HTRA3: variants seen among roughly 807,000 people sequenced by gnomAD.
HTRA3 encodes the protein serine protease HTRA3.
HTRA3 carries 41 observed loss-of-function variants against 43.2 expected under a neutral mutation model. The observed-to-expected ratio is 0.95, with a 90% confidence interval of 0.74 to 1.23. The LOEUF (loss-of-function observed/expected upper bound fraction) is 1.23, where lower values mean the gene tolerates loss of function less well. Among genes scored for constraint, HTRA3 ranks in the 50% most tolerant of loss-of-function variants. The probability of loss-of-function intolerance (pLI) is 0.00; values close to 1 mark genes in which losing one functional copy is unlikely to be tolerated. For synonymous variants in HTRA3, 295 were observed against 287.9 expected (o/e 1.02, Z -0.25); for missense variants, 628 against 647.1 (o/e 0.97, Z 0.32).
rs28461864 is a variant in HTRA3 at position 8,296,891 on chromosome 4, T to C, written c.1051+2690T>C. On this transcript the variant is annotated intron_variant, in intron 6 of 8. Transcript: ENST00000307358. This position sits in a 1 kb window ranked among gnomAD's most constrained non-coding sequence, Gnocchi z 5.3. ...CATGTGCTTTCCCTGGTCTCAGACA[T>C]CACAGAGTTCCCAGATCTCTGACAT... Among the ~76,000 whole-genome samples the C allele has an allele frequency of 4.8e-3, 733 of 152,184 alleles. 12 individuals carry two copies. Among genetic ancestry groups the C allele is most frequent in the African/African-American group, 0.017 (702 of 41,514 alleles).
At chr4:8,304,319 G>T (rs76109360) in intron 8 of HTRA3, 40 bp downstream of exon 8, 5 of 1,547,966 alleles carry the variant, frequency 3.2e-6, no homozygotes, top group Non-Finnish European at 4.5e-6. Flanking sequence ...GCATGGGGCA[G>T]GCGTGAGGTC....
intron 1 of HTRA3, among the ~76,000 whole-genome samples, chr4:8,281,239 A>T (rs1712731273): frequency 6.6e-6 from 1 of 152,128 alleles, no homozygotes; most frequent in East Asian, 1.9e-4. Context: ...GTGCCTTTGG[A>T]CGATCCAGAA....
chr4:8,291,374 AG>A lies in HTRA3; in HGVS notation c.714del (p.Lys238AsnfsTer32). 6.2e-7 allele frequency: 1 copy of A among 1,613,206 alleles called. No individual in the cohort carries two copies. The highest frequency in any genetic ancestry group is 2.2e-5 in the East Asian group (1 of 44,872). On this transcript the variant is annotated frameshift_variant, in exon 4 of 9. Coordinates refer to ENST00000307358, the MANE Select transcript of HTRA3 (RefSeq NM_053044.5). LOFTEE classifies it high-confidence loss of function. ...IATIKIHPKK[K>X]LPVLLLGHSA... The stretch of plus-strand genomic sequence containing the variant: ...TCTTCTCCTTCTCTCTCCTAGAAAA[AG>A]CTCCCTGTGTTGTTGCTGGGTCACT...
At chr4:8,302,334 G>A (rs1180203581) in intron 6 of HTRA3, 129 bp from the exon 7 acceptor site, 9 of 828,558 alleles carry the variant, frequency 1.1e-5, no homozygotes, top group Non-Finnish European at 1.9e-5. Context: ...GACTGGGCCA[G>A]CTCAAGCAGA....
In HTRA3 at chr4:8,295,549, C is replaced by T. The variant is rs977925219; in HGVS notation, c.1051+1348C>T. On this transcript the variant is annotated intron_variant, in intron 6 of 8. Coordinates refer to ENST00000307358, the MANE Select transcript of HTRA3 (RefSeq NM_053044.5). The surrounding 1 kb of genome is among the most constrained non-coding windows in gnomAD (Gnocchi z 6.9). Reference sequence around the variant, plus strand: ...CATGCTTCCAATCGCAGGGCCTTTCCTGGGGGCCTCTCCCTCCCCACCTTC... The same window carrying T: ...CATGCTTCCAATCGCAGGGCCTTTCTTGGGGGCCTCTCCCTCCCCACCTTC... 1.0e-5 allele frequency: 5 copies of T among 498,720 alleles called. No homozygotes were observed. Among genetic ancestry groups the T allele is most frequent in the Non-Finnish European group, 9.7e-6 (3 of 310,460 alleles). 30.9% of individuals were successfully genotyped at this position (498,720 alleles called of 1,614,324 possible).
At position 8,305,033 on chromosome 4, in the gene HTRA3, G is replaced by A. The variant is rs180822724; in HGVS notation, c.1196+754G>A. Among the ~76,000 whole-genome samples the A allele has an allele frequency of 2.4e-3, 366 of 152,306 alleles. 1 individual carries two copies. The Middle Eastern group carries it at 0.031, about 13-fold the overall frequency. ...GTTAAGCATTGCAACACCATAGGCTGAGGCAGGCGTGCAGCGACACTACCA... is the reference window on the plus strand; with the variant it reads ...GTTAAGCATTGCAACACCATAGGCTAAGGCAGGCGTGCAGCGACACTACCA... On this transcript the variant is annotated intron_variant, in intron 8 of 8. Coordinates refer to ENST00000307358, the MANE Select transcript of HTRA3 (RefSeq NM_053044.5).
chr4:8,294,781 TCCATCCAC>T (rs1225329188), intron 6 of HTRA3, among the ~76,000 whole-genome samples: 1 of 141,804 alleles, frequency 7.1e-6, no homozygotes, highest in African/African-American at 2.6e-5. Context: ...TATCCATCCA[TCCATCCAC>T]CCATCTATCC....
intron 6 of HTRA3, 129 bp downstream of exon 6, chr4:8,294,330 G>T: frequency 3.2e-6 from 2 of 624,012 alleles, no homozygotes; most frequent in Admixed American, 5.7e-5. Context: ...TACTGGACAG[G>T]TCCTGTCTGC....
At chr4:8,304,348 C>T in intron 8 of HTRA3, 69 bp downstream of exon 8, 3 of 1,272,916 alleles carry the variant, frequency 2.4e-6, no homozygotes, top group Non-Finnish European at 1.1e-6. Context: ...GGCTGCCCCA[C>T]TGACCTCATG....
chr4:8,293,308 G>A (rs1713314944), intron 5 of HTRA3, among the ~76,000 whole-genome samples: 1 of 152,220 alleles, frequency 6.6e-6, no homozygotes, highest in Non-Finnish European at 1.5e-5. Flanking sequence ...GGTCCAGGCA[G>A]TAGAGATGGG....
chr4:8,305,987 G>C lies in HTRA3; in HGVS notation c.1213G>C (p.Gly405Arg), dbSNP rs141050955. 3.4e-5 allele frequency: 55 copies of C among 1,611,684 alleles called. No individual in the cohort carries two copies. Among genetic ancestry groups the C allele is most frequent in the Non-Finnish European group, 4.3e-5 (51 of 1,179,496 alleles). Residue 405 changes from glycine (G) to arginine (R), a missense_variant, in exon 9 of 9, where the codon GGT (glycine) becomes CGT (arginine). Gly to Arg is a moderately radical substitution (Grantham distance 125, BLOSUM62 -2). Transcript: ENST00000307358. ...TGTTGGCAGAGGCGGCATCCAAGAT[G>C]GTGACATCATCGTCAAGGTCAACGG... ...SPSQRGGIQD[G>R]DIIVKVNGRP...
intron 1 of HTRA3, among the ~76,000 whole-genome samples, chr4:8,274,647 T>G (rs1462136642): frequency 2.0e-5 from 3 of 152,208 alleles, no homozygotes; most frequent in Non-Finnish European, 4.4e-5. Flanking sequence ...GCATCGCAGT[T>G]GCACAGAGTG....
chr4:8,297,240 G>C lies in HTRA3; in HGVS notation c.1051+3039G>C, dbSNP rs763117279. 1.3e-4 allele frequency among the ~76,000 whole-genome samples: 19 copies of C among 151,900 alleles called. No homozygotes were observed. The highest frequency in any genetic ancestry group is 2.1e-4 in the Non-Finnish European group (14 of 68,006). On this transcript the variant is annotated intron_variant, in intron 6 of 8. Transcript: ENST00000307358. The surrounding 1 kb of genome is among the most constrained non-coding windows in gnomAD (Gnocchi z 5.8). ...AGGGAGGCTGGTGGCCCCATACTTGGTGTGTGTTCTGCTCACCTCTCAAGT... is the reference window on the plus strand; with the variant it reads ...AGGGAGGCTGGTGGCCCCATACTTGCTGTGTGTTCTGCTCACCTCTCAAGT...
At chr4:8,301,616 G>A (rs1195710904) in intron 6 of HTRA3, among the ~76,000 whole-genome samples, 5 of 152,020 alleles carry the variant, frequency 3.3e-5, no homozygotes, top group African/African-American at 7.2e-5. Context: ...TTTTTAAGAC[G>A]GAAACTGAGG....
chr4:8,277,987 A>C (rs1260675184), intron 1 of HTRA3, among the ~76,000 whole-genome samples: 1 of 152,226 alleles, frequency 6.6e-6, no homozygotes, highest in Non-Finnish European at 1.5e-5. Flanking sequence ...GGACTGATGC[A>C]TACAGTTGGG....
Position 8,295,927 on chromosome 4 carries a change from C to T in HTRA3, c.1051+1726C>T. ...TTCCCAAAGAAGCTGAAGTCTTCTT[C>T]TCTTGAACAGTGGGGACCATCTAAT... On this transcript the variant is annotated intron_variant, in intron 6 of 8. Coordinates refer to ENST00000307358, the MANE Select transcript of HTRA3 (RefSeq NM_053044.5). The surrounding 1 kb of genome is among the most constrained non-coding windows in gnomAD (Gnocchi z 6.9). 8.2e-7 allele frequency: 1 copy of T among 1,224,836 alleles called. No individual in the cohort carries two copies. Among genetic ancestry groups the T allele is most frequent in the Non-Finnish European group, 1.0e-6 (1 of 981,618 alleles). 75.9% of individuals were successfully genotyped at this position (1,224,836 alleles called of 1,614,324 possible).
At chr4:8,278,629 C>T (rs1358007710) in intron 1 of HTRA3, among the ~76,000 whole-genome samples, 2 of 152,078 alleles carry the variant, frequency 1.3e-5, no homozygotes, top group East Asian at 1.9e-4. Context: ...AGCTGGGGCA[C>T]GGGGGCCCCT....
chr4:8,306,607 G>T lies in HTRA3; in HGVS notation c.*471G>T. 6.2e-6 allele frequency: 1 copy of T among 161,344 alleles called. No homozygotes were observed. The highest frequency in any genetic ancestry group is 1.4e-5 in the Non-Finnish European group (1 of 72,672). 10.0% of individuals were successfully genotyped at this position (161,344 alleles called of 1,614,324 possible). A position where few individuals can be genotyped will look rare whatever the true frequency, so the allele number is the denominator to read the frequency against. Reference sequence around the variant, plus strand: ...AGGACTTACCAAGCTGTAGGGCCAGGGCTGCTGCCTGCCAGCCTGGGGTCC... The same window carrying T: ...AGGACTTACCAAGCTGTAGGGCCAGTGCTGCTGCCTGCCAGCCTGGGGTCC... On this transcript the variant is annotated 3_prime_UTR_variant, in exon 9 of 9. Transcript: ENST00000307358. The surrounding 1 kb of genome is among the most constrained non-coding windows in gnomAD (Gnocchi z 8.9).
intron 6 of HTRA3, among the ~76,000 whole-genome samples, chr4:8,300,730 T>C (rs1424669442): frequency 2.0e-5 from 3 of 152,184 alleles, no homozygotes; most frequent in Admixed American, 1.3e-4. Context: ...TTTATTTCAT[T>C]GATTTACACT....
Sources: gnomAD v4.1 joint callset for allele counts (sites outside exome capture counted in the v4.1 genomes callset) on GRCh38, gnomAD v4.1.1 for gene constraint, Gnocchi (gnomAD v3.1) non-coding constraint, MANE v1.5 for transcripts, NCBI Gene and HGNC (gene_info 2026-07-23, HGNC 2026-07-21) for gene names.